PTPRG: variants seen among roughly 807,000 people sequenced by gnomAD.
PTPRG encodes protein tyrosine phosphatase receptor type G, also known as receptor-type tyrosine-protein phosphatase gamma.
In PTPRG, 102 loss-of-function variants were observed where a neutral mutation model predicts 165.3. The observed-to-expected ratio is 0.62, with a 90% CI of 0.53 to 0.73. The LOEUF is 0.73. Ranked by LOEUF, PTPRG falls within the 30% of genes least tolerant of loss-of-function variation. The pLI is 0.00. For synonymous variants in PTPRG, 675 were observed against 669.5 expected (o/e 1.01, Z -0.13); for missense variants, 1,866 against 1,861.4 (o/e 1.00, Z -0.05).
chr3:62,027,139 G>A (rs959997201), intron 4 of PTPRG, among the ~76,000 whole-genome samples: 3 of 152,020 alleles, frequency 2.0e-5, no homozygotes, highest in African/African-American at 7.2e-5. Context: ...TCCATGGCTA[G>A]TTAGTAGAAC....
At chr3:61,638,030 C>G (rs1437787132) in intron 1 of PTPRG, among the ~76,000 whole-genome samples, 1 of 151,808 alleles carries the variant, frequency 6.6e-6, no homozygotes, top group African/African-American at 2.4e-5. Context: ...GACGTAATTA[C>G]AAAAAAAATT....
At chr3:62,123,140 A>G (rs1194663079) in intron 5 of PTPRG, among the ~76,000 whole-genome samples, 1 of 152,252 alleles carries the variant, frequency 6.6e-6, no homozygotes. Flanking sequence ...GCTACAATCA[A>G]GGTGTCAACT....
At chr3:62,277,957 C>A (rs2148882988) in intron 26 of PTPRG, among the ~76,000 whole-genome samples, 1 of 152,138 alleles carries the variant, frequency 6.6e-6, no homozygotes, top group South Asian at 2.1e-4. Flanking sequence ...TTTTTAGTAA[C>A]CTCATTAATA....
chr3:61,606,419 G>C (rs1193716119), intron 1 of PTPRG, among the ~76,000 whole-genome samples: 1 of 152,182 alleles, frequency 6.6e-6, no homozygotes, highest in Non-Finnish European at 1.5e-5. Context: ...GGCCCACTTA[G>C]AATAAATTCT....
chr3:61,576,650 T>G (rs1700178538), intron 1 of PTPRG, among the ~76,000 whole-genome samples: 1 of 152,186 alleles, frequency 6.6e-6, no homozygotes, highest in Non-Finnish European at 1.5e-5. Context: ...TAAGGCAGAT[T>G]AACCAACCTT....
intron 2 of PTPRG, among the ~76,000 whole-genome samples, chr3:61,776,404 C>T (rs924074051): frequency 5.3e-5 from 8 of 152,094 alleles, no homozygotes; most frequent in Non-Finnish European, 8.8e-5. Flanking sequence ...TCAACACAGG[C>T]GCTTTCCCCT....
chr3:61,579,259 T>A (rs1418443054), intron 1 of PTPRG, among the ~76,000 whole-genome samples: 1 of 152,208 alleles, frequency 6.6e-6, no homozygotes, highest in Non-Finnish European at 1.5e-5. Flanking sequence ...CACCTGCATC[T>A]GCCTCTAGCG....
At chr3:62,020,743 C>G (rs1007614313) in intron 4 of PTPRG, among the ~76,000 whole-genome samples, 2 of 151,812 alleles carry the variant, frequency 1.3e-5, no homozygotes, top group Non-Finnish European at 2.9e-5. Flanking sequence ...GAGGCAGGGT[C>G]TTGCTCTGTC....
chr3:62,044,608 A>G (rs986825783), intron 4 of PTPRG, among the ~76,000 whole-genome samples: 4 of 152,212 alleles, frequency 2.6e-5, no homozygotes, highest in Non-Finnish European at 4.4e-5. Flanking sequence ...TAAATGAGCT[A>G]TTGTATTTAA....
intron 6 of PTPRG, among the ~76,000 whole-genome samples, chr3:62,156,304 G>A (rs1487609534): frequency 6.6e-6 from 1 of 152,172 alleles, no homozygotes; most frequent in Non-Finnish European, 1.5e-5. Context: ...TCCTGGCTTT[G>A]CTTCTTAGGA....
chr3:62,170,260 T>A (rs2106741532), intron 8 of PTPRG, among the ~76,000 whole-genome samples: 1 of 151,328 alleles, frequency 6.6e-6, no homozygotes, highest in Non-Finnish European at 1.5e-5. Context: ...TAAAAAAAAA[T>A]GAAGAAAATA....
chr3:61,679,049 G>A (rs1341869285), intron 1 of PTPRG, among the ~76,000 whole-genome samples: 3 of 152,124 alleles, frequency 2.0e-5, no homozygotes, highest in Non-Finnish European at 4.4e-5. Flanking sequence ...ATTCACAAAG[G>A]GCACTGGTCT....
chr3:61,892,372 G>A (rs1464059292), intron 2 of PTPRG, among the ~76,000 whole-genome samples: 4 of 152,132 alleles, frequency 2.6e-5, no homozygotes, highest in Non-Finnish European at 5.9e-5. Flanking sequence ...ACACCACGAT[G>A]CCCAGCTAAC....
chr3:61,692,908 GT>G (rs1310723283), intron 1 of PTPRG, among the ~76,000 whole-genome samples: 2 of 152,264 alleles, frequency 1.3e-5, no homozygotes, highest in Non-Finnish European at 2.9e-5. Context: ...CATGACAAAA[GT>G]TGGCTACTTC....
intron 1 of PTPRG, among the ~76,000 whole-genome samples, chr3:61,617,606 G>C (rs1451182356): frequency 6.6e-6 from 1 of 152,202 alleles, no homozygotes; most frequent in Non-Finnish European, 1.5e-5. Flanking sequence ...GGCTTACCGG[G>C]GAGGCAAGCT....
At chr3:61,870,898 T>C (rs980526026) in intron 2 of PTPRG, among the ~76,000 whole-genome samples, 1 of 152,136 alleles carries the variant, frequency 6.6e-6, no homozygotes, top group African/African-American at 2.4e-5. Flanking sequence ...CTAAGAAATT[T>C]TCAGAAATCA....
chr3:62,142,157 C>T (rs988953826), intron 6 of PTPRG, among the ~76,000 whole-genome samples: 2 of 151,536 alleles, frequency 1.3e-5, no homozygotes, highest in Non-Finnish European at 2.9e-5. Flanking sequence ...AAGGAATCAC[C>T]TTTGAAGTCT....
Position 62,074,211 on chromosome 3 carries a change from G to GTGTGTGTGTGTGTGTA in PTPRG, c.520-3951_520-3950insGTGTGTGTGTGTGTAT, listed in dbSNP as rs923780031. 2.7e-5 allele frequency among the ~76,000 whole-genome samples: 4 copies of GTGTGTGTGTGTGTGTA among 150,926 alleles called. 1 individual carries two copies. The South Asian group carries it at 8.4e-4, about 32-fold the overall frequency. ...TGTGTGTGTGTGTGTGTGTGTGTGT[G>GTGTGTGTGTGTGTGTA]TATACAGAGAGAGCGCAAAAGAGGT... On this transcript the variant is annotated intron_variant, in intron 4 of 29. Coordinates refer to ENST00000474889, the MANE Select transcript of PTPRG (RefSeq NM_002841.4).
In PTPRG at chr3:62,168,015, T is replaced by G; in HGVS notation, c.885T>G (p.His295Gln). 1 of 1,613,822 alleles carries G rather than the reference T, an allele frequency of 6.2e-7. No homozygotes were observed. The highest frequency in any genetic ancestry group is 1.1e-5 in the South Asian group (1 of 91,062). Residue 295 changes from histidine to glutamine, a missense_variant, in exon 8 of 30, where the codon CAT becomes CAG. His to Gln is a conservative substitution (Grantham distance 24, BLOSUM62 0). Transcript: ENST00000474889. ...YSIFTTEQQD[H>Q]VKSVEYLRNN... ...TCTTCACCACGGAGCAGCAAGACCA[T>G]GTCAAGTCGGTGGAGTATCTGAGAA...
Sources: gnomAD v4.1 joint callset for allele counts (sites outside exome capture counted in the v4.1 genomes callset) on GRCh38, gnomAD v4.1.1 for gene constraint, MANE v1.5 for transcripts, NCBI Gene and HGNC (gene_info 2026-07-23, HGNC 2026-07-21) for gene names.